Variants in MYH16 observed in about 807,000 individuals in gnomAD.
MYH16 encodes myosin heavy chain 16.
Position 99,260,127 on chromosome 7 carries a change from T to C in MYH16, n.1405-37T>C. On this transcript the variant is annotated intron_variant and non_coding_transcript_variant, in intron 11 of 41. Transcript: ENST00000439784. ...TCCTGGGAGAGGCTCTCTGTGCCTG[T>C]GCTGACGCCCCTCTTTCTGCCCTCC... The C allele has an allele frequency of 4.5e-6, 7 of 1,547,314 alleles. No individual in the cohort carries two copies. The South Asian group carries it at 6.7e-5, about 15-fold the overall frequency.
At chr7:99,303,951 C>T (rs1300778369) in intron 39 of MYH16, among the ~76,000 whole-genome samples, 4 of 152,206 alleles carry the variant, frequency 2.6e-5, no homozygotes, top group Non-Finnish European at 5.9e-5. Flanking sequence ...GATATGCCCC[C>T]AAGTGCTCTC....
At chr7:99,281,887 C>T (rs539114180) in intron 23 of MYH16, among the ~76,000 whole-genome samples, 5 of 152,110 alleles carry the variant, frequency 3.3e-5, no homozygotes, top group African/African-American at 1.2e-4. Flanking sequence ...TTGCTGATAC[C>T]GTGAATCCAC....
chr7:99,260,299 C>T, exon 12 of MYH16: 14 of 1,523,302 alleles, frequency 9.2e-6, no homozygotes, highest in Non-Finnish European at 1.3e-5. Context: ...CGACTTTGGC[C>T]TCGACCTTCA....
At chr7:99,263,770 T>A (rs1221959110) in intron 14 of MYH16, among the ~76,000 whole-genome samples, 2 of 152,190 alleles carry the variant, frequency 1.3e-5, no homozygotes, top group South Asian at 2.1e-4. Context: ...ATGTTTCTTT[T>A]CTGTTTCCCT....
chr7:99,297,628 G>A lies in MYH16; in HGVS notation n.4500-32G>A, dbSNP rs746205893. On this transcript the variant is annotated intron_variant and non_coding_transcript_variant, in intron 34 of 41. Transcript: ENST00000439784. ...CCACCTGCCATGACCCTGGAATGCCGAGTCTTATTAACATGAATATTTCTA... is the reference window on the plus strand; with the variant it reads ...CCACCTGCCATGACCCTGGAATGCCAAGTCTTATTAACATGAATATTTCTA... 13 of 450,226 alleles carry A rather than the reference G, an allele frequency of 2.9e-5. 1 individual carries two copies. The highest frequency in any genetic ancestry group is 7.0e-5 in the East Asian group (1 of 14,340). The allele number at this position is 450,226 out of a possible 1,614,324, so 27.9% of individuals were successfully genotyped here.
chr7:99,296,891 TGAA>T (rs1792507297), exon 34 of MYH16: 2 of 456,868 alleles, frequency 4.4e-6, no homozygotes, highest in Non-Finnish European at 8.8e-6. Context: ...CTAGAGTCCG[TGAA>T]GAAGGAGAAT....
chr7:99,269,074 C>T (rs1338354555), intron 18 of MYH16, among the ~76,000 whole-genome samples: 1 of 152,168 alleles, frequency 6.6e-6, no homozygotes, highest in Non-Finnish European at 1.5e-5. Flanking sequence ...CTCCTGGCAC[C>T]TTCTATCCTT....
At chr7:99,283,839 C>T (rs548513055) in intron 24 of MYH16, 34 bp from the exon 7 acceptor site, 18 of 447,360 alleles carry the variant, frequency 4.0e-5, no homozygotes, top group East Asian at 1.4e-4. Context: ...AGACTCTCCT[C>T]GTCTACCTTC....
At chr7:99,275,739 T>G (rs1792102220) in intron 20 of MYH16, among the ~76,000 whole-genome samples, 2 of 152,194 alleles carry the variant, frequency 1.3e-5, no homozygotes, top group Non-Finnish European at 1.5e-5. Context: ...CTAATTAGTT[T>G]TTCTTGTTGT....
At chr7:99,293,854 GA>G (rs1364932455) in intron 32 of MYH16, among the ~76,000 whole-genome samples, 163 bp from the exon 14 acceptor site, 1 of 152,240 alleles carries the variant, frequency 6.6e-6, no homozygotes, top group African/African-American at 2.4e-5. Flanking sequence ...ATAAATGAGA[GA>G]GTGAATGGAC....
chr7:99,271,758 G>A (rs1319820303), intron 19 of MYH16, among the ~76,000 whole-genome samples: 1 of 152,158 alleles, frequency 6.6e-6, no homozygotes, highest in Non-Finnish European at 1.5e-5. Context: ...GGAGTACAGT[G>A]GTGCGATCAT....
At chr7:99,251,246 C>T (rs1350028349) in intron 6 of MYH16, 1 of 171,130 alleles carries the variant, frequency 5.8e-6, no homozygotes, top group Non-Finnish European at 1.3e-5. Flanking sequence ...CACGACCCCG[C>T]CCCAGGTAAA....
intron 14 of MYH16, chr7:99,264,230 C>T (rs1390040304): frequency 6.6e-6 from 1 of 152,634 alleles, no homozygotes. Context: ...TGATGTGAAA[C>T]GTGCTTGTCC....
chr7:99,247,595 C>A (rs183934782), exon 3 of MYH16: 1 of 180,650 alleles, frequency 5.5e-6, no homozygotes, highest in African/African-American at 2.4e-5. Flanking sequence ...TCCCACCAGA[C>A]CTACTCGGGC....
downstream of MYH16, among the ~76,000 whole-genome samples, chr7:99,307,512 C>T (rs1350858123): frequency 6.6e-6 from 1 of 151,966 alleles, no homozygotes; most frequent in Non-Finnish European, 1.5e-5. Context: ...GGTTTAAGCC[C>T]GGGAGTTCAA....
rs139914048 is a variant in MYH16 at position 99,251,096 on chromosome 7, G to A, written n.639G>A. 5.6e-3 allele frequency: 1,193 copies of A among 211,428 alleles called. 9 individuals carry two copies. Among genetic ancestry groups the A allele is most frequent in the Non-Finnish European group, 8.8e-3 (873 of 98,730 alleles). 13.1% of individuals were successfully genotyped at this position (211,428 alleles called of 1,614,324 possible). The stretch of plus-strand genomic sequence containing the variant: ...CTTTGGGTTTCTTTCTGCATCAGGG[G>A]TCTCTGGAGGATCAAGTCATCCAGG... On this transcript the variant is annotated splice_region_variant and non_coding_transcript_exon_variant, in exon 6 of 42. Transcript: ENST00000439784.
At chr7:99,276,361 G>T (rs1201137122) in intron 20 of MYH16, among the ~76,000 whole-genome samples, 4 of 151,314 alleles carry the variant, frequency 2.6e-5, no homozygotes, top group Non-Finnish European at 5.9e-5. Context: ...TATTGACTAT[G>T]TATCTATTGT....
chr7:99,278,785 A>G (rs575963413), intron 21 of MYH16, among the ~76,000 whole-genome samples: 2 of 152,236 alleles, frequency 1.3e-5, no homozygotes, highest in Non-Finnish European at 2.9e-5. Context: ...ACTGTCCCCA[A>G]AGGCCTCCAA....
intron 4 of MYH16, chr7:99,249,845 C>G (rs1791789148): frequency 6.6e-6 from 1 of 152,246 alleles, no homozygotes; most frequent in Non-Finnish European, 1.5e-5. Flanking sequence ...GCATGAGCCA[C>G]TGTGCCCGGT....
Sources: allele counts gnomAD v4.1 joint callset (sites outside exome capture counted in the v4.1 genomes callset), GRCh38; gene constraint gnomAD v4.1.1; transcripts MANE v1.5; gene names NCBI Gene and HGNC (gene_info 2026-07-23, HGNC 2026-07-21).